PTPRD: variants seen among roughly 807,000 people sequenced by gnomAD.
PTPRD encodes protein tyrosine phosphatase receptor type D.
In PTPRD, 34 loss-of-function variants were observed where a neutral mutation model predicts 214.5. The ratio of observed to expected loss-of-function variants is 0.16; its 90% CI spans 0.12 to 0.21. PTPRD has a LOEUF of 0.21. Among genes scored for constraint, PTPRD ranks in the 10% least tolerant of loss-of-function variants. PTPRD has a pLI of 1.00. For missense variants in PTPRD, 2,545 were observed against 2,398.7 expected, an observed-to-expected ratio of 1.06 and a Z score of -1.27; for synonymous variants, 1,128 against 845.7, an observed-to-expected ratio of 1.33 and a Z score of -5.79.
chr9:8,569,604 TA>T (rs2154229429), intron 14 of PTPRD, among the ~76,000 whole-genome samples: 1 of 152,198 alleles, frequency 6.6e-6, no homozygotes, highest in African/African-American at 2.4e-5. Flanking sequence ...GGATGAAAAT[TA>T]AAAAGAATCA....
Position 9,822,806 on chromosome 9 carries a change from G to T in PTPRD, c.-367-55955C>A, listed in dbSNP as rs375562882. ...ATGACCTCATGTGACGATTCTCAGC[G>T]AAATAATAATAGATGCTGGTGAGGA... is the stretch of plus-strand genomic sequence containing the variant. On this transcript the variant is annotated intron_variant, in intron 5 of 45. Coordinates refer to ENST00000381196, the MANE Select transcript of PTPRD (RefSeq NM_002839.4). Among the ~76,000 whole-genome samples the T allele has an allele frequency of 2.0e-5, 3 of 152,044 alleles. No individual in the cohort carries two copies. In the South Asian group the frequency reaches 6.2e-4, roughly 32 times the overall value.
At chr9:8,373,334 C>G (rs1053390869) in intron 39 of PTPRD, among the ~76,000 whole-genome samples, 1 of 151,928 alleles carries the variant, frequency 6.6e-6, no homozygotes, top group Non-Finnish European at 1.5e-5. Context: ...AACTTCTTAC[C>G]AGACATGTAA....
At chr9:9,063,660 A>C (rs1257624030) in intron 10 of PTPRD, among the ~76,000 whole-genome samples, 1 of 152,202 alleles carries the variant, frequency 6.6e-6, no homozygotes, top group African/African-American at 2.4e-5. Flanking sequence ...ACAGTGAGTG[A>C]AAAACCAAAT....
intron 4 of PTPRD, among the ~76,000 whole-genome samples, chr9:9,978,664 A>G (rs932351708): frequency 6.6e-6 from 1 of 152,100 alleles, no homozygotes; most frequent in Non-Finnish European, 1.5e-5. Flanking sequence ...AGATGTATAT[A>G]ATATATGCAC....
At chr9:8,497,807 C>A (rs1023807192) in intron 25 of PTPRD, among the ~76,000 whole-genome samples, 1 of 152,106 alleles carries the variant, frequency 6.6e-6, no homozygotes, top group African/African-American at 2.4e-5. Context: ...ACATTTAATG[C>A]ATTTGGTATT....
rs572587191 is a variant in PTPRD, at chr9:8,360,139, A to G, written c.4661+15797T>C. On this transcript the variant is annotated intron_variant, in intron 39 of 45. Transcript: ENST00000381196. ...ACAAAATAAATGAGTTGTTTCTGTA[A>G]AAACCAAGTTAATTACTTTGGAAAG... 8.0e-4 allele frequency among the ~76,000 whole-genome samples: 122 copies of G among 152,374 alleles called. 1 individual carries two copies. The highest frequency in any genetic ancestry group is 2.7e-3 in the African/African-American group (112 of 41,590).
chr9:9,328,618 CTTTTTTTTTTTTTTTTTTT>C (rs869076374), intron 9 of PTPRD, among the ~76,000 whole-genome samples: 1 of 28,230 alleles, frequency 3.5e-5, no homozygotes, highest in Non-Finnish European at 6.5e-5. Context: ...GTTGTTCTTG[CTTTTTTTTTTTTTTTTTTT>C]TTTTTTTTTT....
intron 12 of PTPRD, among the ~76,000 whole-genome samples, chr9:8,710,199 G>C (rs770154185): frequency 6.6e-6 from 1 of 152,140 alleles, no homozygotes; most frequent in Admixed American, 6.5e-5. Flanking sequence ...TCCTGGTAAT[G>C]AGCTACAACC....
intron 21 of PTPRD, among the ~76,000 whole-genome samples, chr9:8,508,603 C>T (rs2097588873): frequency 6.6e-6 from 1 of 152,058 alleles, no homozygotes; most frequent in South Asian, 2.1e-4. Flanking sequence ...AATAATACTT[C>T]ATAGCAGAGG....
At chr9:10,510,972 G>C (rs1442502074) in intron 2 of PTPRD, among the ~76,000 whole-genome samples, 2 of 151,966 alleles carry the variant, frequency 1.3e-5, no homozygotes, top group Non-Finnish European at 2.9e-5. Context: ...TCTGTGACTG[G>C]TTTACTTAAT....
chr9:9,754,365 T>C (rs546017529), intron 6 of PTPRD, among the ~76,000 whole-genome samples: 1 of 152,068 alleles, frequency 6.6e-6, no homozygotes, highest in Non-Finnish European at 1.5e-5. Context: ...TGGGATTTGT[T>C]GAGAAAACTA....
At chr9:8,533,310 T>C (rs969826286) in intron 14 of PTPRD, among the ~76,000 whole-genome samples, 1 of 152,014 alleles carries the variant, frequency 6.6e-6, no homozygotes, top group African/African-American at 2.4e-5. Context: ...ACTAGTCCTT[T>C]GACTCTGACC....
At chr9:10,392,917 G>T (rs1191597672) in intron 2 of PTPRD, among the ~76,000 whole-genome samples, 1 of 151,768 alleles carries the variant, frequency 6.6e-6, no homozygotes, top group African/African-American at 2.4e-5. Context: ...TCTTGGTATA[G>T]AATCCTGTGA....
In PTPRD at chr9:9,311,116, G is replaced by A. The variant is rs151131847; in HGVS notation, c.-203+86333C>T. ...CAGGGCAAAATAGGAAAAGGCAAACGCCAGCAATTACTAGAATTTATTGTT... is the reference window on the plus strand; with the variant it reads ...CAGGGCAAAATAGGAAAAGGCAAACACCAGCAATTACTAGAATTTATTGTT... On this transcript the variant is annotated intron_variant, in intron 9 of 45. Transcript: ENST00000381196. 4.7e-4 allele frequency among the ~76,000 whole-genome samples: 71 copies of A among 151,924 alleles called. 1 individual carries two copies. The East Asian group carries it at 0.013, about 28-fold the overall frequency.
chr9:8,562,314 C>T (rs1258575203), intron 14 of PTPRD, among the ~76,000 whole-genome samples: 1 of 152,054 alleles, frequency 6.6e-6, no homozygotes, highest in African/African-American at 2.4e-5. Context: ...CTATAAAGTA[C>T]ATATGACAAT....
At chr9:10,475,537 C>T (rs373800187) in intron 2 of PTPRD, among the ~76,000 whole-genome samples, 15 of 152,070 alleles carry the variant, frequency 9.9e-5, no homozygotes, top group East Asian at 7.7e-4. Context: ...GGATTCACAG[C>T]CGAATTCTAC....
At chr9:10,151,579 A>G (rs1409805316) in intron 3 of PTPRD, among the ~76,000 whole-genome samples, 1 of 151,944 alleles carries the variant, frequency 6.6e-6, no homozygotes, top group Non-Finnish European at 1.5e-5. Flanking sequence ...TAACTTTTAA[A>G]TCTTTTTTAA....
chr9:9,464,401 T>C (rs147736697), intron 8 of PTPRD, among the ~76,000 whole-genome samples: 2 of 152,188 alleles, frequency 1.3e-5, no homozygotes, highest in Non-Finnish European at 2.9e-5. Flanking sequence ...TAGATTTGTA[T>C]AGTTACTATC....
intron 9 of PTPRD, among the ~76,000 whole-genome samples, chr9:9,252,670 G>T (rs2099975979): frequency 6.6e-6 from 1 of 151,932 alleles, no homozygotes; most frequent in Non-Finnish European, 1.5e-5. Flanking sequence ...TTGTAGAGTT[G>T]TGGTCTTTCT....
Sources: gnomAD v4.1 joint callset for allele counts (sites outside exome capture counted in the v4.1 genomes callset) on GRCh38, gnomAD v4.1.1 for gene constraint, MANE v1.5 for transcripts, NCBI Gene and HGNC (gene_info 2026-07-23, HGNC 2026-07-21) for gene names.